SLC12A8: variants seen among roughly 807,000 people sequenced by gnomAD.
SLC12A8 encodes the protein cation-chloride cotransporter 9.
SLC12A8 carries 69 observed loss-of-function variants against 75.6 expected under a neutral mutation model. The ratio of observed to expected loss-of-function variants is 0.91; its 90% CI spans 0.75 to 1.11. SLC12A8 has a LOEUF of 1.11. Ranked by LOEUF, SLC12A8 falls within the 50% of genes most tolerant of loss-of-function variation. The pLI is 0.00. For synonymous variants in SLC12A8, 365 were observed against 372.8 expected (o/e 0.98, Z 0.24); for missense variants, 877 against 896.7 (o/e 0.98, Z 0.28).
intron 10 of SLC12A8, 65 bp downstream of exon 10, chr3:125,107,416 G>T: frequency 7.0e-7 from 1 of 1,418,630 alleles, no homozygotes; most frequent in Non-Finnish European, 9.7e-7. Context: ...ACAATAACTG[G>T]GTAGGTAGGA....
At chr3:125,098,791 G>C (rs976838929) in intron 10 of SLC12A8, among the ~76,000 whole-genome samples, 4 of 152,344 alleles carry the variant, frequency 2.6e-5, no homozygotes, top group African/African-American at 9.6e-5. Flanking sequence ...GCAGTTTGCT[G>C]TCAGAGGGGC....
chr3:125,120,873 C>A, intron 6 of SLC12A8, 187 bp from the exon 7 acceptor site: 1 of 702,958 alleles, frequency 1.4e-6, no homozygotes, highest in South Asian at 1.5e-5. Context: ...ATCCCTGTGG[C>A]GTGAAAGGCA....
chr3:125,211,265 C>T (rs1560088555), intron 2 of SLC12A8, 34 bp downstream of exon 2: 1 of 1,596,202 alleles, frequency 6.3e-7, no homozygotes, highest in Non-Finnish European at 8.6e-7. Context: ...GCTCACAGGC[C>T]TCCATCACAG....
intron 5 of SLC12A8, among the ~76,000 whole-genome samples, chr3:125,166,349 C>G (rs866309727): frequency 2.5e-4 from 38 of 152,114 alleles, no homozygotes; most frequent in Admixed American, 2.0e-4. Context: ...CCCTAGAGGC[C>G]CTGCCTGGCT....
rs146885026 is a variant in SLC12A8, at chr3:125,197,577, C to A, written c.52-7056G>T. Among the ~76,000 whole-genome samples, 1,126 of 152,312 alleles carry A rather than the reference C, an allele frequency of 7.4e-3. 12 individuals carry two copies. Among genetic ancestry groups the A allele is most frequent in the African/African-American group, 0.026 (1,083 of 41,572 alleles). ...AGAGTGCTGGGATTACAGGTGTGAG[C>A]CACCCCACCTGGCCATGACTAATCA... On this transcript the variant is annotated intron_variant, in intron 2 of 13. Transcript: ENST00000469902.
chr3:125,177,262 G>A (rs1396475677), intron 5 of SLC12A8, among the ~76,000 whole-genome samples: 1 of 148,360 alleles, frequency 6.7e-6, no homozygotes, highest in Non-Finnish European at 1.5e-5. Flanking sequence ...ACTCATAGGT[G>A]GGAATTGAAC....
intron 8 of SLC12A8, among the ~76,000 whole-genome samples, chr3:125,118,096 G>A (rs567200377): frequency 1.3e-5 from 2 of 152,378 alleles, no homozygotes; most frequent in Admixed American, 6.5e-5. Context: ...CATTGTGGAA[G>A]GTGAAGCTAT....
intron 3 of SLC12A8, 74 bp downstream of exon 3, chr3:125,190,301 G>A (rs1177648877): frequency 1.9e-6 from 3 of 1,540,180 alleles, no homozygotes; most frequent in East Asian, 4.5e-5. Context: ...GGCCTGCACT[G>A]TAGAATGCAA....
chr3:125,210,858 A>G (rs1327787683), intron 2 of SLC12A8, among the ~76,000 whole-genome samples: 1 of 152,158 alleles, frequency 6.6e-6, no homozygotes, highest in Admixed American at 6.5e-5. Flanking sequence ...CAGCAGGGAG[A>G]AGATAAAGAA....
At chr3:125,198,923 ACC>A (rs1560084254) in intron 2 of SLC12A8, among the ~76,000 whole-genome samples, 2,338 of 151,400 alleles carry the variant, frequency 0.015, 44 homozygotes, top group African/African-American at 0.051. Context: ...GACTACAGGC[ACC>A]CGCCACCACG....
chr3:125,188,654 C>T (rs1934846269), intron 3 of SLC12A8, among the ~76,000 whole-genome samples: 1 of 152,218 alleles, frequency 6.6e-6, no homozygotes, highest in African/African-American at 2.4e-5. Flanking sequence ...AGGAAGACTC[C>T]TGATAGTCAA....
intron 4 of SLC12A8, among the ~76,000 whole-genome samples, chr3:125,184,365 C>T (rs552970480): frequency 1.4e-4 from 22 of 152,272 alleles, no homozygotes; most frequent in Non-Finnish European, 3.2e-4. Context: ...TGGCCAAATC[C>T]TTTTTGCTGA....
intron 6 of SLC12A8, chr3:125,121,067 C>T: frequency 1.8e-6 from 1 of 557,274 alleles, no homozygotes; most frequent in Non-Finnish European, 3.1e-6. Context: ...TGGCAGCCTC[C>T]TGCTCAGCAG....
At chr3:125,097,868 G>A (rs1376721127) in intron 10 of SLC12A8, among the ~76,000 whole-genome samples, 1 of 152,070 alleles carries the variant, frequency 6.6e-6, no homozygotes, top group Non-Finnish European at 1.5e-5. Flanking sequence ...AGAAATACTA[G>A]GAAGTTACAA....
intron 6 of SLC12A8, chr3:125,120,921 C>G (rs1261327368): frequency 7.3e-6 from 5 of 688,954 alleles, no homozygotes; most frequent in Non-Finnish European, 1.3e-5. Context: ...GGAAAGCCCT[C>G]CCAGCTCCAA....
chr3:125,190,603 G>C (rs1934893071), intron 2 of SLC12A8, 82 bp from the exon 3 acceptor site: 19 of 1,520,804 alleles, frequency 1.2e-5, no homozygotes, highest in Admixed American at 3.7e-5. Flanking sequence ...GGAGGAGGGA[G>C]GTAGGAGAAC....
chr3:125,198,955 T>G (rs1306220421), intron 2 of SLC12A8, among the ~76,000 whole-genome samples: 1 of 151,920 alleles, frequency 6.6e-6, no homozygotes, highest in Non-Finnish European at 1.5e-5. Context: ...TTTTTTTGAA[T>G]TTTTAGTAGA....
intron 5 of SLC12A8, among the ~76,000 whole-genome samples, chr3:125,167,506 G>A (rs1182784914): frequency 1.3e-5 from 2 of 152,216 alleles, no homozygotes; most frequent in African/African-American, 4.8e-5. Context: ...CTGGGGTCCT[G>A]AGCAGACTGT....
intron 6 of SLC12A8, among the ~76,000 whole-genome samples, chr3:125,134,229 G>A (rs1208566305): frequency 6.6e-6 from 1 of 151,864 alleles, no homozygotes; most frequent in Non-Finnish European, 1.5e-5. Flanking sequence ...AGCCTCCTAA[G>A]TAGCTGGAAC....
Sources: allele counts gnomAD v4.1 joint callset (sites outside exome capture counted in the v4.1 genomes callset), GRCh38; gene constraint gnomAD v4.1.1; transcripts MANE v1.5; gene names NCBI Gene and HGNC (gene_info 2026-07-23, HGNC 2026-07-21).